Variants in NIN observed in about 807,000 individuals in gnomAD.
NIN encodes the protein ninein.
NIN carries 137 observed loss-of-function variants against 257.6 expected under a neutral mutation model. That is an observed-to-expected ratio of 0.53 (90% CI 0.46 to 0.61). NIN has a LOEUF of 0.61. Ranked by LOEUF, NIN falls within the 20% of genes least tolerant of loss-of-function variation. NIN has a pLI of 0.00. For missense variants in NIN, 2,439 were observed against 2,501.2 expected (o/e 0.98, Z 0.53); for synonymous variants, 918 against 919.8 (o/e 1.00, Z 0.04).
At chr14:50,771,606 G>C in intron 9 of NIN, 138 bp from the exon 10 acceptor site, 1 of 862,122 alleles carries the variant, frequency 1.2e-6, no homozygotes, top group Non-Finnish European at 1.8e-6. Flanking sequence ...TTTGGTGATT[G>C]CTTAGGAACA....
At chr14:50,761,658 C>T in intron 16 of NIN, 132 bp downstream of exon 16, 3 of 975,394 alleles carry the variant, frequency 3.1e-6, no homozygotes, top group Non-Finnish European at 4.5e-6. Flanking sequence ...GCCTACAAAA[C>T]CATCCTGAGG....
In NIN at chr14:50,773,092, G is replaced by C. The variant is rs746273441; in HGVS notation, c.670C>G (p.Leu224Val). 1.2e-6 allele frequency: 2 copies of C among 1,609,818 alleles called. No homozygotes were observed. The highest frequency in any genetic ancestry group is 2.7e-5 in the African/African-American group (2 of 74,674). The stretch of plus-strand genomic sequence containing the variant: ...TCAAGATTATGGAATACTTCCTCGA[G>C]CATCTAGAAAAGAGTCATCACATAT... Reference protein sequence around the residue: ...YGLQNVDGEMLEEVFHNLDPD... With the variant: ...YGLQNVDGEMVEEVFHNLDPD... Residue 224 changes from leucine (L) to valine (V), a missense_variant, in exon 8 of 31, where the codon CTC becomes GTC. Transcript: ENST00000530997.
intron 5 of NIN, among the ~76,000 whole-genome samples, chr14:50,782,833 G>C (rs1345864245): frequency 6.6e-6 from 1 of 152,202 alleles, no homozygotes; most frequent in Non-Finnish European, 1.5e-5. Flanking sequence ...GGGAAGCCCA[G>C]GTGCTGCTCA....
Position 50,770,995 on chromosome 14 carries a change from A to G in NIN, c.1119-3T>C, listed in dbSNP as rs1288955612. The G allele has an allele frequency of 6.2e-7, 1 of 1,613,094 alleles. No individual in the cohort carries two copies. The highest frequency in any genetic ancestry group is 8.5e-7 in the Non-Finnish European group (1 of 1,179,564). On this transcript the variant is annotated splice_polypyrimidine_tract_variant and splice_region_variant and intron_variant, in intron 10 of 30. Transcript: ENST00000530997. ...TGACCACCTGATCAACTCGTTCCCT[A>G]GGATCAGAAGTACACTGAGTTAATG...
chr14:50,776,822 G>T, intron 7 of NIN, 127 bp downstream of exon 7: 1 of 814,816 alleles, frequency 1.2e-6, no homozygotes, highest in Non-Finnish European at 1.9e-6. Context: ...CTTCATGAAT[G>T]ACTTCTTAGG....
chr14:50,743,526 C>G lies in NIN; in HGVS notation c.5191G>C (p.Ala1731Pro), dbSNP rs763854787. The change falls in exon 24 of 31, where the codon GCA (alanine) becomes CCA (proline). Residue 1731 changes from alanine (A) to proline (P), a missense_variant. Ala to Pro is a conservative substitution (Grantham distance 27, BLOSUM62 -1). Transcript: ENST00000530997. ...EELNSCVDKL[A>P]KSSLLEHRIA... ...CTATGCTCTAAAAGACTTGATTTTGCCAACTGTTTCAGGAAGGGAAAAAGA... is the reference window on the plus strand; with the variant it reads ...CTATGCTCTAAAAGACTTGATTTTGGCAACTGTTTCAGGAAGGGAAAAAGA... 1.2e-6 allele frequency: 2 copies of G among 1,608,702 alleles called. No homozygotes were observed. The highest frequency in any genetic ancestry group is 2.7e-5 in the African/African-American group (2 of 74,800).
At position 50,721,215 on chromosome 14, in the gene NIN, T is replaced by C. The variant is rs2040264126; in HGVS notation, c.*2248A>G. ...TAAAATGAGAAATTAAGCACCTAGA[T>C]GTTGGTTAAATTCATTTGAGCAGCA... On this transcript the variant is annotated 3_prime_UTR_variant, in exon 31 of 31. Transcript: ENST00000530997. 4.9e-6 allele frequency: 1 copy of C among 202,858 alleles called. No homozygotes were observed. Among genetic ancestry groups the C allele is most frequent in the Non-Finnish European group, 1.0e-5 (1 of 98,864 alleles). The allele number at this position is 202,858 out of a possible 1,614,324, so 12.6% of individuals were successfully genotyped here. A position where few individuals can be genotyped will look rare whatever the true frequency, so the allele number is the denominator to read the frequency against.
chr14:50,819,891 C>T (rs1405888034), intron 3 of NIN, among the ~76,000 whole-genome samples: 1 of 152,000 alleles, frequency 6.6e-6, no homozygotes, highest in Non-Finnish European at 1.5e-5. Flanking sequence ...AACTATAATC[C>T]CTACTGTATG....
intron 14 of NIN, among the ~76,000 whole-genome samples, chr14:50,765,063 TAAAAAAAAAA>T (rs781699626): frequency 6.1e-5 from 5 of 82,084 alleles, no homozygotes; most frequent in African/African-American, 9.4e-5. Flanking sequence ...TGTCTCTACT[TAAAAAAAAAA>T]AAAAAAAAAA....
chr14:50,751,836 CTT>C (rs1399501330), intron 21 of NIN, among the ~76,000 whole-genome samples: 1 of 152,108 alleles, frequency 6.6e-6, no homozygotes, highest in Non-Finnish European at 1.5e-5. Context: ...CCATTTTTAT[CTT>C]TTGTATATGA....
At position 50,721,588 on chromosome 14, in the gene NIN, C is replaced by T; in HGVS notation, c.*1875G>A. 9.2e-6 allele frequency: 2 copies of T among 217,540 alleles called. No individual in the cohort carries two copies. The highest frequency in any genetic ancestry group is 9.3e-6 in the Non-Finnish European group (1 of 107,792). 13.5% of individuals were successfully genotyped at this position (217,540 alleles called of 1,614,324 possible). ...ATTTTCTGTGAAAGCTAATGCCATA[C>T]AAGTAGTCAAACACTTACTAGAAAT... On this transcript the variant is annotated 3_prime_UTR_variant, in exon 31 of 31. Transcript: ENST00000530997.
At chr14:50,743,752 A>C (rs1355478754) in intron 23 of NIN, among the ~76,000 whole-genome samples, 1 of 151,974 alleles carries the variant, frequency 6.6e-6, no homozygotes, top group Non-Finnish European at 1.5e-5. Context: ...GAAATTTCCT[A>C]TTTTTCTTTT....
intron 28 of NIN, among the ~76,000 whole-genome samples, chr14:50,734,395 TTTC>T (rs1477238701): frequency 3.0e-4 from 46 of 152,184 alleles, no homozygotes. Context: ...CCCGGCCCCA[TTTC>T]TTCTTATAAT....
At chr14:50,730,026 T>C (rs189984953) in intron 28 of NIN, among the ~76,000 whole-genome samples, 102 of 150,528 alleles carry the variant, frequency 6.8e-4, no homozygotes, top group African/African-American at 2.3e-3. Flanking sequence ...TCTATTTCAT[T>C]TTTTCTTATA....
At chr14:50,781,808 A>G (rs2043146023) in intron 5 of NIN, among the ~76,000 whole-genome samples, 1 of 152,252 alleles carries the variant, frequency 6.6e-6, no homozygotes, top group Admixed American at 6.5e-5. Flanking sequence ...GCTCTACACA[A>G]TTTTGTTATT....
At chr14:50,729,937 C>T (rs956999088) in intron 28 of NIN, among the ~76,000 whole-genome samples, 1 of 152,188 alleles carries the variant, frequency 6.6e-6, no homozygotes, top group Admixed American at 6.5e-5. Flanking sequence ...AGTAGGCTTT[C>T]TTAAAAGTTT....
chr14:50,793,072 T>C (rs951387655), intron 4 of NIN, among the ~76,000 whole-genome samples, 191 bp from the exon 5 acceptor site: 1 of 152,154 alleles, frequency 6.6e-6, no homozygotes. Flanking sequence ...TTCTGAACGA[T>C]TTATGGGACC....
Position 50,735,600 on chromosome 14 carries a change from G to A in NIN, c.5793C>T (p.Ser1931=), listed in dbSNP as rs267603997. The A allele has an allele frequency of 6.2e-7, 1 of 1,611,010 alleles. No homozygotes were observed. Among genetic ancestry groups the A allele is most frequent in the Admixed American group, 1.7e-5 (1 of 59,920 alleles). ...PANRKVSQMN[S]LEQELETIHL... is the part of the protein sequence containing the mutation. ...GAATTGTTTCTAATTCTTGTTCAAG[G>A]GAATTCATCTGACTGACCTGTTTAA... The change falls in exon 28 of 31, where the codon TCC becomes TCT. Residue 1931 remains serine, a synonymous_variant. Coordinates refer to ENST00000530997, the MANE Select transcript of NIN (RefSeq NM_020921.4).
At chr14:50,805,718 CT>C (rs1227587987) in intron 4 of NIN, among the ~76,000 whole-genome samples, 5 of 152,242 alleles carry the variant, frequency 3.3e-5, no homozygotes, top group African/African-American at 1.2e-4. Context: ...TTGATGTTCT[CT>C]TTTTTAAAGT....
Sources: gnomAD v4.1 joint callset for allele counts (sites outside exome capture counted in the v4.1 genomes callset) on GRCh38, gnomAD v4.1.1 for gene constraint, MANE v1.5 for transcripts, NCBI Gene and HGNC (gene_info 2026-07-23, HGNC 2026-07-21) for gene names.